Variants in CACNA1G observed in about 807,000 individuals in gnomAD.
CACNA1G encodes the protein voltage-dependent T-type calcium channel subunit alpha-1G.
CACNA1G carries 67 observed loss-of-function variants against 219.4 expected under a neutral mutation model. The observed-to-expected ratio is 0.31, with a 90% CI of 0.25 to 0.37. The LOEUF (loss-of-function observed/expected upper bound fraction) is 0.37. Ranked by LOEUF, CACNA1G falls within the 10% of genes least tolerant of loss-of-function variation. The pLI is 1.00. For missense variants in CACNA1G, 2,380 were observed against 3,231.4 expected, an observed-to-expected ratio of 0.74 and a Z score of 6.39; for synonymous variants, 1,296 against 1,345.3, an observed-to-expected ratio of 0.96 and a Z score of 0.80.
At chr17:50,594,467 AC>A (rs2045068755) in intron 13 of CACNA1G, among the ~76,000 whole-genome samples, 1 of 151,832 alleles carries the variant, frequency 6.6e-6, no homozygotes, top group African/African-American at 2.4e-5. Context: ...CTTGCTTCCT[AC>A]CCATTCCCCA....
chr17:50,598,980 G>A (rs1464759652), intron 16 of CACNA1G, among the ~76,000 whole-genome samples: 2 of 152,072 alleles, frequency 1.3e-5, no homozygotes, highest in Non-Finnish European at 2.9e-5. Flanking sequence ...TGCCCGCCTC[G>A]GCCTCCCAAT....
intron 5 of CACNA1G, among the ~76,000 whole-genome samples, chr17:50,572,297 T>G (rs116348602): frequency 2.0e-5 from 3 of 152,122 alleles, no homozygotes; most frequent in Non-Finnish European, 2.9e-5. Flanking sequence ...CCTCCAGTGA[T>G]CCTAACTTGC....
At position 50,596,703 on chromosome 17, in the gene CACNA1G, G is replaced by A. The variant is rs369771488; in HGVS notation, c.3065-27G>A. ...CCCTGGGCCAGCCCTGTGTGGACTC[G>A]GGATCTCTCCCTCTCTCCCCGTGCA... On this transcript the variant is annotated intron_variant, in intron 15 of 37. Coordinates refer to ENST00000359106, the MANE Select transcript of CACNA1G (RefSeq NM_018896.5). This position sits in a 1 kb window ranked among gnomAD's most constrained non-coding sequence, Gnocchi z 4.8. The A allele has an allele frequency of 4.2e-5, 67 of 1,612,744 alleles. No homozygotes were observed. Among genetic ancestry groups the A allele is most frequent in the Non-Finnish European group, 5.2e-5 (61 of 1,179,482 alleles).
intron 14 of CACNA1G, among the ~76,000 whole-genome samples, chr17:50,595,735 T>A (rs901924775): frequency 6.6e-6 from 1 of 152,248 alleles, no homozygotes; most frequent in Non-Finnish European, 1.5e-5. Flanking sequence ...GAAGCCAGCA[T>A]TCCTGTGGGA....
In CACNA1G at chr17:50,605,752, T is replaced by C. The variant is rs773366499; in HGVS notation, c.4297-146T>C. The C allele has an allele frequency of 8.9e-4, 692 of 778,822 alleles. 1 individual carries two copies. Among genetic ancestry groups the C allele is most frequent in the Non-Finnish European group, 5.5e-4 (260 of 473,840 alleles). The allele number at this position is 778,822 out of a possible 1,614,324, so 48.2% of individuals were successfully genotyped here. On this transcript the variant is annotated intron_variant, in intron 22 of 37. Transcript: ENST00000359106. Reference sequence around the variant, plus strand: ...TGTCGGCAGGGGAGACTCTTGTCAGTGTTTCCCTGACTTGACTGGCCCCAG... The same window carrying C: ...TGTCGGCAGGGGAGACTCTTGTCAGCGTTTCCCTGACTTGACTGGCCCCAG...
chr17:50,607,759 G>A (rs1173656364), intron 24 of CACNA1G, 68 bp from the exon 25 acceptor site: 7 of 1,403,594 alleles, frequency 5.0e-6, no homozygotes, highest in Non-Finnish European at 6.1e-6. Context: ...AACCCAGGCT[G>A]TGGGCAGCTC....
At chr17:50,594,523 C>A (rs572545111) in intron 13 of CACNA1G, among the ~76,000 whole-genome samples, 2 of 152,288 alleles carry the variant, frequency 1.3e-5, no homozygotes, top group Admixed American at 6.5e-5. Context: ...GTGTTCTGAG[C>A]CACAGACTCG....
chr17:50,570,649 G>A lies in CACNA1G; in HGVS notation c.586+846G>A, dbSNP rs138737671. Among the ~76,000 whole-genome samples, 960 of 150,752 alleles carry A rather than the reference G, an allele frequency of 6.4e-3. 5 individuals are homozygous for A. Among genetic ancestry groups the A allele is most frequent in the African/African-American group, 0.022 (897 of 41,048 alleles). On this transcript the variant is annotated intron_variant, in intron 4 of 37. Transcript: ENST00000359106. ...GAATGTGTCCTCTGGGGCTCGGGGT[G>A]TGTTGGTGTTAACAGGAGCTCCAGA...
At position 50,606,684 on chromosome 17, in the gene CACNA1G, G is replaced by A. The variant is rs2048037852; in HGVS notation, c.4423-216G>A. Among the ~76,000 whole-genome samples the A allele has an allele frequency of 2.6e-5, 4 of 152,224 alleles. No homozygotes were observed. The South Asian group carries it at 8.3e-4, about 31-fold the overall frequency. On this transcript the variant is annotated intron_variant, in intron 23 of 37. Transcript: ENST00000359106. Reference sequence around the variant, plus strand: ...CCCTTCTCCTACCTGGCGGAGGGCAGAGGGTGTGACCATCTCTCAGGGCCC... The same window carrying A: ...CCCTTCTCCTACCTGGCGGAGGGCAAAGGGTGTGACCATCTCTCAGGGCCC...
chr17:50,611,254 A>G (rs1327389879), intron 26 of CACNA1G, among the ~76,000 whole-genome samples: 2 of 6,428 alleles, frequency 3.1e-4, no homozygotes, highest in Non-Finnish European at 5.1e-4. Flanking sequence ...ACTCCATTTA[A>G]AAAAAAAAAA....
chr17:50,578,313 G>C lies in CACNA1G; in HGVS notation c.2050G>C (p.Glu684Gln), dbSNP rs756818132. Residue 684 changes from glutamate (E) to glutamine (Q), a missense_variant, in exon 9 of 38, where the codon GAA (glutamate) becomes CAA (glutamine). Glu to Gln is a conservative substitution (Grantham distance 29). Around this residue, in one of 17 missense-constraint regions of CACNA1G, gnomAD observed 434 missense variants for 417.3 expected, o/e 1.04. Transcript: ENST00000359106. The surrounding 1 kb of genome is among the most constrained non-coding windows in gnomAD (Gnocchi z 4.5). ...AGGGGAGGTGGAGCTCGCCGACCGTGAAATGCCTGACTCAGACAGCGAGGC... is the reference window on the plus strand; with the variant it reads ...AGGGGAGGTGGAGCTCGCCGACCGTCAAATGCCTGACTCAGACAGCGAGGC... ...GAGEVELADR[E>Q]MPDSDSEAVY... 1.2e-6 allele frequency: 2 copies of C among 1,613,196 alleles called. No homozygotes were observed. The highest frequency in any genetic ancestry group is 1.7e-5 in the Admixed American group (1 of 60,010).
rs938288389 is a variant in CACNA1G, at chr17:50,576,453, A to G, written c.1924+127A>G. On this transcript the variant is annotated intron_variant, in intron 8 of 37. Coordinates refer to ENST00000359106, the MANE Select transcript of CACNA1G (RefSeq NM_018896.5). ...ATTCTCATGCTGCCTCTCATGGCTT[A>G]GGCACCTTCAACCAGTCACATCCCT... is the stretch of plus-strand genomic sequence containing the variant. 1.7e-5 allele frequency: 16 copies of G among 917,084 alleles called. No individual in the cohort carries two copies. The African/African-American group carries it at 2.6e-4, about 15-fold the overall frequency. 56.8% of individuals were successfully genotyped at this position (917,084 alleles called of 1,614,324 possible). A position where few individuals can be genotyped will look rare whatever the true frequency, so the allele number is the denominator to read the frequency against.
At chr17:50,588,227 C>CGT (rs1427996944) in intron 9 of CACNA1G, among the ~76,000 whole-genome samples, 2 of 152,240 alleles carry the variant, frequency 1.3e-5, no homozygotes, top group East Asian at 3.9e-4. Context: ...ATCCAGTCCA[C>CGT]CGTGTATCTG....
intron 35 of CACNA1G, among the ~76,000 whole-genome samples, chr17:50,622,760 C>T (rs1215935617): frequency 6.6e-6 from 1 of 152,212 alleles, no homozygotes; most frequent in Non-Finnish European, 1.5e-5. Flanking sequence ...GAGTACCTCC[C>T]TTCTCTGAAA....
chr17:50,597,069 G>A (rs551540782), intron 16 of CACNA1G, 146 bp downstream of exon 16: 7 of 813,836 alleles, frequency 8.6e-6, no homozygotes, highest in Non-Finnish European at 1.3e-5. Context: ...AAGCCCCTGG[G>A]GAATCTGCGC....
Position 50,605,978 on chromosome 17 carries a change from T to C in CACNA1G, c.4377T>C (p.Ser1459=), listed in dbSNP as rs778621608. The part of the protein sequence containing the change: ...ITNKSDCAEA[S]YRWVRHKYNF... Reference sequence around the variant, plus strand: ...ATAAATCGGACTGTGCCGAGGCCAGTTACCGGTGGGTCCGGCACAAGTACA... The same window carrying C: ...ATAAATCGGACTGTGCCGAGGCCAGCTACCGGTGGGTCCGGCACAAGTACA... Residue 1459 remains serine, a synonymous_variant, in exon 23 of 38, where the codon AGT becomes AGC. Coordinates refer to ENST00000359106, the MANE Select transcript of CACNA1G (RefSeq NM_018896.5). 1 of 1,613,870 alleles carries C rather than the reference T, an allele frequency of 6.2e-7. No individual in the cohort carries two copies. The highest frequency in any genetic ancestry group is 8.5e-7 in the Non-Finnish European group (1 of 1,179,896).
At chr17:50,579,930 C>G (rs879256222) in intron 9 of CACNA1G, among the ~76,000 whole-genome samples, 1 of 152,112 alleles carries the variant, frequency 6.6e-6, no homozygotes, top group South Asian at 2.1e-4. Flanking sequence ...TTCACTTTTC[C>G]GGGGGATTCG....
chr17:50,578,053 C>T lies in CACNA1G; in HGVS notation c.1925-135C>T, dbSNP rs1262546251. Reference sequence around the variant, plus strand: ...CCACCTTGCCTGACATTCAGCACCCCTGGCCCACTAAGTGCCTAGCACCCC... The same window carrying T: ...CCACCTTGCCTGACATTCAGCACCCTTGGCCCACTAAGTGCCTAGCACCCC... On this transcript the variant is annotated intron_variant, in intron 8 of 37. Coordinates refer to ENST00000359106, the MANE Select transcript of CACNA1G (RefSeq NM_018896.5). This position sits in a 1 kb window ranked among gnomAD's most constrained non-coding sequence, Gnocchi z 4.5. The T allele has an allele frequency of 4.8e-6, 5 of 1,039,570 alleles. No homozygotes were observed. The highest frequency in any genetic ancestry group is 5.2e-5 in the East Asian group (2 of 38,530). The allele number at this position is 1,039,570 out of a possible 1,614,324, so 64.4% of individuals were successfully genotyped here. A position where few individuals can be genotyped will look rare whatever the true frequency, so the allele number is the denominator to read the frequency against.
intron 9 of CACNA1G, among the ~76,000 whole-genome samples, chr17:50,582,491 G>A (rs1598261590): frequency 6.6e-6 from 1 of 152,278 alleles, no homozygotes; most frequent in African/African-American, 2.4e-5. Flanking sequence ...AATGTGGCTT[G>A]AGCAGATGTG....
Sources: gnomAD v4.1 joint callset for allele counts (sites outside exome capture counted in the v4.1 genomes callset) on GRCh38, gnomAD v4.1.1 for gene constraint, gnomAD v4.1.1 regional missense constraint, Gnocchi (gnomAD v3.1) non-coding constraint, MANE v1.5 for transcripts, NCBI Gene and HGNC (gene_info 2026-07-23, HGNC 2026-07-21) for gene names.